The following NOP58 variants were observed in gnomAD, a reference collection of about 807,000 sequenced individuals.
NOP58 encodes the protein nucleolar protein 58.
In NOP58, 44 loss-of-function variants were observed where a neutral mutation model predicts 71.2. The ratio of observed to expected loss-of-function variants is 0.62; its 90% confidence interval spans 0.49 to 0.79. The LOEUF is 0.79. Among genes scored for constraint, NOP58 ranks in the 30% least tolerant of loss-of-function variants. NOP58 has a pLI of 0.00. For synonymous variants in NOP58, 228 were observed against 200.3 expected, an observed-to-expected ratio of 1.14 and a Z score of -1.17; for missense variants, 538 against 620.2, an observed-to-expected ratio of 0.87 and a Z score of 1.41.
intron 3 of NOP58, among the ~76,000 whole-genome samples, chr2:202,278,943 T>C (rs1688654310): frequency 6.6e-6 from 1 of 152,208 alleles, no homozygotes; most frequent in Non-Finnish European, 1.5e-5. Flanking sequence ...GGCCAGTTTC[T>C]TTGTTTTATA....
At chr2:202,292,298 G>A (rs1319536862) in intron 8 of NOP58, among the ~76,000 whole-genome samples, 1 of 151,882 alleles carries the variant, frequency 6.6e-6, no homozygotes, top group Non-Finnish European at 1.5e-5. Flanking sequence ...GGGCTGCTTA[G>A]AATCTTTTAA....
chr2:202,269,744 A>G (rs543205523), intron 1 of NOP58, among the ~76,000 whole-genome samples: 1 of 151,162 alleles, frequency 6.6e-6, no homozygotes, highest in South Asian at 2.1e-4. Context: ...CCGTCTCAAA[A>G]AAAAGAAAAA....
At position 202,284,738 on chromosome 2, in the gene NOP58, A is replaced by G. The variant is rs142648365; in HGVS notation, c.434+257A>G. On this transcript the variant is annotated intron_variant, in intron 5 of 14. Coordinates refer to ENST00000264279, the MANE Select transcript of NOP58 (RefSeq NM_015934.5). ...AAAACCTTAAAACCTCATCAAAGGA[A>G]TTCTCTACTACTCTGATCTTGGATG... is the stretch of plus-strand genomic sequence containing the variant. 1.9e-3 allele frequency: 722 copies of G among 381,494 alleles called. 24 individuals carry two copies. In the South Asian group the frequency reaches 0.032, roughly 17 times the overall value. 23.6% of individuals were successfully genotyped at this position (381,494 alleles called of 1,614,324 possible).
chr2:202,300,260 G>T lies in NOP58; in HGVS notation c.1295G>T (p.Gly432Val). ...GAAGTGAAGACTTACGATCCTTCTG[G>T]TGACTCCACACTTCCAACCTGTTCT... ...KSEVKTYDPS[G>V]DSTLPTCSKK... The change falls in exon 13 of 15, where the codon GGT (glycine) becomes GTT (valine). Residue 432 changes from glycine to valine, a missense_variant. Gly to Val is a moderately radical substitution (Grantham distance 109). Coordinates refer to ENST00000264279, the MANE Select transcript of NOP58 (RefSeq NM_015934.5). 1 of 1,593,934 alleles carries T rather than the reference G, an allele frequency of 6.3e-7. No individual in the cohort carries two copies. The highest frequency in any genetic ancestry group is 1.4e-5 in the African/African-American group (1 of 73,586).
At position 202,301,495 on chromosome 2, in the gene NOP58, CTA is replaced by C. The variant is rs573219908; in HGVS notation, c.1402+1132_1402+1133del. The stretch of plus-strand genomic sequence containing the variant: ...ACCACGCCCAGTCCTCTCCCATTTT[CTA>C]TATGTGACAATTCCAGTTGCTTTGG... On this transcript the variant is annotated intron_variant, in intron 13 of 14. Transcript: ENST00000264279. Among the ~76,000 whole-genome samples, 19 of 152,254 alleles carry C rather than the reference CTA, an allele frequency of 1.2e-4. No homozygotes were observed. The East Asian group carries it at 3.7e-3, about 29-fold the overall frequency.
At chr2:202,286,430 G>A (rs1477780846) in intron 5 of NOP58, among the ~76,000 whole-genome samples, 9 of 151,720 alleles carry the variant, frequency 5.9e-5, no homozygotes, top group South Asian at 2.1e-4. Flanking sequence ...GCGTGAACCC[G>A]GGAGGTGGAG....
chr2:202,281,187 C>CA (rs1688696571), intron 3 of NOP58, among the ~76,000 whole-genome samples: 1 of 150,328 alleles, frequency 6.7e-6, no homozygotes, highest in East Asian at 2.0e-4. Flanking sequence ...GGCTGGAGTG[C>CA]AATGTCACGG....
chr2:202,288,844 C>A (rs1688835783), intron 6 of NOP58, among the ~76,000 whole-genome samples: 1 of 151,146 alleles, frequency 6.6e-6, no homozygotes, highest in Non-Finnish European at 1.5e-5. Flanking sequence ...TTCGGCTGGG[C>A]GCAGTGGCTC....
intron 3 of NOP58, among the ~76,000 whole-genome samples, chr2:202,280,696 T>C (rs1272316706): frequency 1.2e-4 from 18 of 151,804 alleles, no homozygotes; most frequent in Non-Finnish European, 2.9e-5. Flanking sequence ...TTTGTATTGG[T>C]CTCAGACATT....
chr2:202,287,580 CAA>C (rs539401386), intron 5 of NOP58, 78 bp from the exon 6 acceptor site: 3 of 1,111,738 alleles, frequency 2.7e-6, no homozygotes, highest in Non-Finnish European at 4.0e-6. Flanking sequence ...AAAACAAAAA[CAA>C]AAAAAAACTT....
Position 202,284,537 on chromosome 2 carries a change from T to C in NOP58, c.434+56T>C, listed in dbSNP as rs1688759675. On this transcript the variant is annotated intron_variant, in intron 5 of 14. Coordinates refer to ENST00000264279, the MANE Select transcript of NOP58 (RefSeq NM_015934.5). ...ACTTTTATTTGATAAGCGCTTAACA[T>C]AGATCTGTTCTAAGAATGTTACAAA... The C allele has an allele frequency of 1.2e-5, 19 of 1,564,540 alleles. No homozygotes were observed. The South Asian group carries it at 2.0e-4, about 17-fold the overall frequency.
Position 202,297,526 on chromosome 2 carries a change from T to C in NOP58, c.1206+13T>C. On this transcript the variant is annotated intron_variant, in intron 11 of 14. Transcript: ENST00000264279. Reference sequence around the variant, plus strand: ...GGAAGACAGAGGGGTAAGAACTACATCATGCCTATTCCAGAAGTATTACTT... The same window carrying C: ...GGAAGACAGAGGGGTAAGAACTACACCATGCCTATTCCAGAAGTATTACTT... 6.2e-7 allele frequency: 1 copy of C among 1,606,316 alleles called. No individual in the cohort carries two copies. The highest frequency in any genetic ancestry group is 8.5e-7 in the Non-Finnish European group (1 of 1,177,132).
chr2:202,298,322 T>A (rs1574389669), intron 12 of NOP58, among the ~76,000 whole-genome samples: 1 of 152,198 alleles, frequency 6.6e-6, no homozygotes, highest in Non-Finnish European at 1.5e-5. Flanking sequence ...TAAATTTTTT[T>A]AATCTAAAGT....
At position 202,288,136 on chromosome 2, in the gene NOP58, A is replaced by G. The variant is rs553591462; in HGVS notation, c.499+412A>G. ...ATTTTTCCATGAAAATGTTAAAAAC[A>G]TAAGTGCAATCTTTGTAGTTGTGTA... On this transcript the variant is annotated intron_variant, in intron 6 of 14. Transcript: ENST00000264279. Among the ~76,000 whole-genome samples, 60 of 152,328 alleles carry G rather than the reference A, an allele frequency of 3.9e-4. 2 individuals are homozygous for G. The South Asian group carries it at 0.012, about 30-fold the overall frequency.
intron 1 of NOP58, among the ~76,000 whole-genome samples, chr2:202,274,020 T>C (rs1255133853): frequency 6.6e-6 from 1 of 152,214 alleles, no homozygotes; most frequent in East Asian, 1.9e-4. Flanking sequence ...TTCAAAGTCT[T>C]GGAGAATATA....
chr2:202,265,797 G>C lies in NOP58; in HGVS notation c.-145G>C, dbSNP rs1688402139. The C allele has an allele frequency of 5.0e-6, 4 of 802,048 alleles. No individual in the cohort carries two copies. The highest frequency in any genetic ancestry group is 4.5e-5 in the South Asian group (3 of 66,100). 49.7% of individuals were successfully genotyped at this position (802,048 alleles called of 1,614,324 possible). A position where few individuals can be genotyped will look rare whatever the true frequency, so the allele number is the denominator to read the frequency against. ...GTACAGCGTGGAGGGTTTAGGCAGC[G>C]TGTTCTGATTCTTTGCGGGACGGCG... On this transcript the variant is annotated 5_prime_UTR_variant, in exon 1 of 15. Transcript: ENST00000264279.
In NOP58 at chr2:202,302,950, G is replaced by T; in HGVS notation, c.1432G>T (p.Glu478Ter). Reference protein sequence around the residue: ...VEEEEEEKVAEEEETSVKKKK... With the variant: ...VEEEEEEKVA ...AGAAGAGGAAGAAGAAAAAGTGGCA[G>T]AAGAAGAAGAAACATCTGTGAAGAA... Residue 478 changes from glutamate to a stop codon, truncating the protein, a stop_gained, in exon 14 of 15, where the codon GAA becomes TAA. Coordinates refer to ENST00000264279, the MANE Select transcript of NOP58 (RefSeq NM_015934.5). LOFTEE classifies it high-confidence loss of function. 6.2e-7 allele frequency: 1 copy of T among 1,605,296 alleles called. No individual in the cohort carries two copies.
At chr2:202,283,759 A>G (rs1688747283) in intron 4 of NOP58, among the ~76,000 whole-genome samples, 1 of 152,096 alleles carries the variant, frequency 6.6e-6, no homozygotes. Context: ...TTTTAAAAAG[A>G]AGCTAAATAA....
At chr2:202,291,075 A>C (rs747240443) in intron 7 of NOP58, 50 bp from the exon 8 acceptor site, 10 of 1,461,154 alleles carry the variant, frequency 6.8e-6, no homozygotes, top group Non-Finnish European at 9.1e-6. Context: ...TGGATTTTAT[A>C]TAATTTGTTG....
Sources: gnomAD v4.1 joint callset for allele counts (sites outside exome capture counted in the v4.1 genomes callset) on GRCh38, gnomAD v4.1.1 for gene constraint, MANE v1.5 for transcripts, NCBI Gene and HGNC (gene_info 2026-07-23, HGNC 2026-07-21) for gene names.